RBM33: variants seen among roughly 807,000 people sequenced by gnomAD.
RBM33 encodes the protein RNA-binding protein 33.
RBM33 carries 28 observed loss-of-function variants against 132.6 expected under a neutral mutation model. The observed-to-expected ratio is 0.21, with a 90% CI of 0.16 to 0.29. RBM33 has a LOEUF of 0.29. RBM33 is among the 10% of genes least tolerant of loss of function. The pLI, the probability that RBM33 is intolerant of heterozygous loss-of-function variation, is 1.00. For missense variants in RBM33, 1,291 were observed against 1,518.5 expected, an observed-to-expected ratio of 0.85 and a Z score of 2.49; for synonymous variants, 634 against 593.0, an observed-to-expected ratio of 1.07 and a Z score of -1.01.
chr7:155,687,522 T>G (rs1799515603), intron 5 of RBM33, among the ~76,000 whole-genome samples: 1 of 152,172 alleles, frequency 6.6e-6, no homozygotes, highest in African/African-American at 2.4e-5. Context: ...TGCCATTGCT[T>G]TTGGTGTTTT....
At chr7:155,734,796 A>G (rs73167159) in intron 9 of RBM33, among the ~76,000 whole-genome samples, 4,091 of 152,174 alleles carry the variant, frequency 0.027, 70 homozygotes, top group Middle Eastern at 0.037. Flanking sequence ...ACCATTGCCA[A>G]TTTGCGTGGG....
chr7:155,661,253 C>G (rs917867792), intron 1 of RBM33, among the ~76,000 whole-genome samples: 1 of 150,438 alleles, frequency 6.6e-6, no homozygotes, highest in Non-Finnish European at 1.5e-5. Context: ...ATTCTCCTGC[C>G]TCAACCTCCC....
intron 3 of RBM33, among the ~76,000 whole-genome samples, chr7:155,674,832 G>A (rs1381659238): frequency 6.6e-6 from 1 of 152,130 alleles, no homozygotes; most frequent in African/African-American, 2.4e-5. Flanking sequence ...CTTTGGAACA[G>A]GAGATGTGTC....
At chr7:155,716,347 C>T (rs921820046) in intron 8 of RBM33, among the ~76,000 whole-genome samples, 3 of 63,336 alleles carry the variant, frequency 4.7e-5, no homozygotes, top group African/African-American at 1.9e-4. Flanking sequence ...AGGGAAAAGG[C>T]TGGTACTTTG....
chr7:155,684,284 C>A (rs142024583), intron 5 of RBM33, among the ~76,000 whole-genome samples: 1 of 152,162 alleles, frequency 6.6e-6, no homozygotes, highest in Non-Finnish European at 1.5e-5. Flanking sequence ...AGTCTACCTC[C>A]GCTGAGTAGG....
intron 1 of RBM33, among the ~76,000 whole-genome samples, chr7:155,646,726 G>A (rs1798206857): frequency 6.6e-6 from 1 of 152,136 alleles, no homozygotes; most frequent in Non-Finnish European, 1.5e-5. Flanking sequence ...TAGCACCTTT[G>A]TTTGTTTTCT....
intron 9 of RBM33, among the ~76,000 whole-genome samples, chr7:155,734,337 A>G (rs1170154390): frequency 6.6e-6 from 1 of 152,130 alleles, no homozygotes; most frequent in Admixed American, 6.5e-5. Flanking sequence ...ACTCTTACCT[A>G]GGTGGTTGGG....
At chr7:155,757,432 G>A (rs563891424) in intron 14 of RBM33, among the ~76,000 whole-genome samples, 1 of 152,242 alleles carries the variant, frequency 6.6e-6, no homozygotes, top group South Asian at 2.1e-4. Flanking sequence ...TCATTGCTTA[G>A]CATGATCTTC....
intron 6 of RBM33, 39 bp downstream of exon 6, chr7:155,700,983 A>C: frequency 1.6e-5 from 24 of 1,506,512 alleles, no homozygotes; most frequent in Non-Finnish European, 2.1e-5. Context: ...CTTTACTCTC[A>C]TTTCAACTTC....
At chr7:155,735,718 T>C (rs71536006) in intron 9 of RBM33, among the ~76,000 whole-genome samples, 266 of 107,954 alleles carry the variant, frequency 2.5e-3, no homozygotes, top group African/African-American at 7.6e-3. Context: ...TCTCTCTCTC[T>C]GTCTCTCTCT....
intron 8 of RBM33, among the ~76,000 whole-genome samples, chr7:155,713,422 G>A (rs527823396): frequency 6.6e-6 from 1 of 152,198 alleles, no homozygotes; most frequent in East Asian, 1.9e-4. Context: ...GGAGGGGGAG[G>A]GGCAGGAGGA....
In RBM33 at chr7:155,644,763, C is replaced by T. The variant is rs1458885786; in HGVS notation, c.-114C>T. 5 of 883,188 alleles carry T rather than the reference C, an allele frequency of 5.7e-6. No homozygotes were observed. The highest frequency in any genetic ancestry group is 8.0e-6 in the Non-Finnish European group (5 of 624,254). 54.7% of individuals were successfully genotyped at this position (883,188 alleles called of 1,614,324 possible). A position where few individuals can be genotyped will look rare whatever the true frequency, so the allele number is the denominator to read the frequency against. ...AAGCGCCCGGCTTCGCCTCTGCCTC[C>T]TGCAGCCCCCTCCCTTCTCTGTCCT... On this transcript the variant is annotated 5_prime_UTR_variant, in exon 1 of 18. Transcript: ENST00000401878.
chr7:155,657,280 C>T (rs1798518822), intron 1 of RBM33, among the ~76,000 whole-genome samples: 2 of 152,072 alleles, frequency 1.3e-5, no homozygotes, highest in Non-Finnish European at 1.5e-5. Flanking sequence ...AATTTCCTTC[C>T]GGAGTGCCCG....
At chr7:155,662,673 A>AC in intron 1 of RBM33, among the ~76,000 whole-genome samples, 1 of 151,570 alleles carries the variant, frequency 6.6e-6, no homozygotes, top group Middle Eastern at 3.4e-3. Flanking sequence ...TTGGTGTGGG[A>AC]CCCCCAGCCC....
intron 1 of RBM33, among the ~76,000 whole-genome samples, chr7:155,655,534 C>CGTTTTTTTTT (rs1554465866): frequency 1.2e-5 from 1 of 80,114 alleles, no homozygotes; most frequent in Non-Finnish European, 2.2e-5. Context: ...GGCTGTTTGC[C>CGTTTTTTTTT]TTTTTTTTTT....
chr7:155,711,080 T>TA (rs1478273952), intron 7 of RBM33, 123 bp from the exon 8 acceptor site: 5 of 1,356,646 alleles, frequency 3.7e-6, no homozygotes, highest in East Asian at 6.0e-5. Flanking sequence ...CATTGTAACT[T>TA]AAAAAATGCA....
intron 7 of RBM33, 41 bp from the exon 8 acceptor site, chr7:155,711,161 TG>T: frequency 2.8e-6 from 4 of 1,451,716 alleles, no homozygotes; most frequent in Non-Finnish European, 3.6e-6. Context: ...TTTTTTTTTT[TG>T]TGATTTGTAG....
At chr7:155,765,550 A>G (rs1802185556) in intron 15 of RBM33, among the ~76,000 whole-genome samples, 1 of 152,008 alleles carries the variant, frequency 6.6e-6, no homozygotes, top group East Asian at 1.9e-4. Context: ...TTTCTCTGTG[A>G]TGGACTGGGA....
chr7:155,644,909 A>G lies in RBM33; in HGVS notation c.33A>G (p.Ala11=), dbSNP rs1261048875. Residue 11 remains alanine, a synonymous_variant, in exon 1 of 18, where the codon GCA becomes GCG. Transcript: ENST00000401878. ...CCGCCCTGGGAGCGAGCGGAGGAGC[A>G]GGCGCCGGAGGTACGTGAGGCAGCC... MAAALGASGG[A]GAGDDDFDQF... 1.3e-6 allele frequency: 2 copies of G among 1,499,020 alleles called. No homozygotes were observed. The highest frequency in any genetic ancestry group is 1.2e-5 in the South Asian group (1 of 80,496). 92.9% of individuals were successfully genotyped at this position (1,499,020 alleles called of 1,614,324 possible).
Sources: allele counts gnomAD v4.1 joint callset (sites outside exome capture counted in the v4.1 genomes callset), GRCh38; gene constraint gnomAD v4.1.1; transcripts MANE v1.5; gene names NCBI Gene and HGNC (gene_info 2026-07-23, HGNC 2026-07-21).